Variants in CD1A observed in about 807,000 individuals in gnomAD.
The protein encoded by CD1A is T-cell surface glycoprotein CD1a.
In CD1A, 50 loss-of-function variants were observed where a neutral mutation model predicts 38.3. The ratio of observed to expected loss-of-function variants is 1.30; its 90% CI spans 1.04 to 1.65. The LOEUF is 1.65. Among genes scored for constraint, CD1A ranks in the 40% most tolerant of loss-of-function variants. The pLI is 0.00. For synonymous variants in CD1A, 160 were observed against 150.8 expected (o/e 1.06, Z -0.45); for missense variants, 459 against 406.1 (o/e 1.13, Z -1.12).
chr1:158,256,993 G>A lies in CD1A; in HGVS notation c.812G>A (p.Gly271Glu). ...CGCGCAACCCTGGAGGTGGCCGCTG[G>A]GGAGGCAGCTGACCTGTCCTGTCGG... ...YLRATLEVAA[G>E]EAADLSCRVK... The change falls in exon 4 of 6, where the codon GGG becomes GAG. Residue 271 changes from glycine to glutamate, a missense_variant. Coordinates refer to ENST00000289429, the MANE Select transcript of CD1A (RefSeq NM_001763.3). 2 of 1,614,172 alleles carry A rather than the reference G, an allele frequency of 1.2e-6. No homozygotes were observed. The highest frequency in any genetic ancestry group is 1.7e-6 in the Non-Finnish European group (2 of 1,180,038).
At chr1:158,256,551 T>C (rs1300031968) in intron 3 of CD1A, among the ~76,000 whole-genome samples, 1 of 152,058 alleles carries the variant, frequency 6.6e-6, no homozygotes, top group East Asian at 1.9e-4. Context: ...ACACCTGTAG[T>C]CCCAGTTACT....
upstream of CD1A, among the ~76,000 whole-genome samples, chr1:158,252,072 G>A (rs150059817): frequency 8.8e-3 from 1,336 of 151,422 alleles, 5 homozygotes; most frequent in African/African-American, 0.014. Flanking sequence ...CTTGTGATCC[G>A]CCCACGTTGG....
chr1:158,251,738 A>G (rs1353276899), upstream of CD1A, among the ~76,000 whole-genome samples: 1 of 152,078 alleles, frequency 6.6e-6, no homozygotes, highest in Non-Finnish European at 1.5e-5. Context: ...GACCTCTAAT[A>G]GTCTGGAACC....
Position 158,257,067 on chromosome 1 carries a change from G to A in CD1A, c.883+3G>A. 1 of 1,596,290 alleles carries A rather than the reference G, an allele frequency of 6.3e-7. No homozygotes were observed. The highest frequency in any genetic ancestry group is 8.6e-7 in the Non-Finnish European group (1 of 1,168,690). On this transcript the variant is annotated splice_donor_region_variant and intron_variant, in intron 4 of 5. Coordinates refer to ENST00000289429, the MANE Select transcript of CD1A (RefSeq NM_001763.3). ...CCAGGACATCGTCCTCTACTGGGGT[G>A]AGAAAAAGCTAAGGCCCAGGCTGGA...
intron 4 of CD1A, 70 bp from the exon 5 acceptor site, chr1:158,257,351 G>A: frequency 1.7e-6 from 2 of 1,183,256 alleles, no homozygotes; most frequent in Non-Finnish European, 2.5e-6. Context: ...AGGGAATGCA[G>A]TGAAATAGGG....
rs1185779412 is a variant in CD1A, at chr1:158,254,483, G to A, written c.-187G>A. On this transcript the variant is annotated 5_prime_UTR_variant, in exon 1 of 6. Coordinates refer to ENST00000289429, the MANE Select transcript of CD1A (RefSeq NM_001763.3). ...ACAGAGAGGAGAGTCAGAACCAGAGGGAAATGAGAGACTGAGTAGGCATCT... is the reference window on the plus strand; with the variant it reads ...ACAGAGAGGAGAGTCAGAACCAGAGAGAAATGAGAGACTGAGTAGGCATCT... The A allele has an allele frequency of 2.1e-6, 3 of 1,426,938 alleles. No homozygotes were observed. Among genetic ancestry groups the A allele is most frequent in the Non-Finnish European group, 2.7e-6 (3 of 1,091,186 alleles). 88.4% of individuals were successfully genotyped at this position (1,426,938 alleles called of 1,614,324 possible). A position where few individuals can be genotyped will look rare whatever the true frequency, so the allele number is the denominator to read the frequency against.
In CD1A at chr1:158,255,368, C is replaced by T. The variant is rs757196117; in HGVS notation, c.325+18C>T. On this transcript the variant is annotated intron_variant, in intron 2 of 5. Coordinates refer to ENST00000289429, the MANE Select transcript of CD1A (RefSeq NM_001763.3). The stretch of plus-strand genomic sequence containing the variant: ...GTTTGAATGTGAGTTCAGTTTTCTC[C>T]ATGGAGAGTGGTGAGGTGGGAGAGA... The T allele has an allele frequency of 6.2e-7, 1 of 1,611,354 alleles. No individual in the cohort carries two copies. The highest frequency in any genetic ancestry group is 8.5e-7 in the Non-Finnish European group (1 of 1,177,844).
At chr1:158,257,570 GT>G in intron 5 of CD1A, 59 bp downstream of exon 5, 1 of 1,576,668 alleles carries the variant, frequency 6.3e-7, no homozygotes, top group Non-Finnish European at 8.7e-7. Flanking sequence ...TTCTTCCCAT[GT>G]TTTTTGTTTT....
rs548280871 is a variant in CD1A, at chr1:158,257,460, T to C, written c.923T>C (p.Ile308Thr). 1.2e-6 allele frequency: 2 copies of C among 1,614,162 alleles called. No individual in the cohort carries two copies. The highest frequency in any genetic ancestry group is 2.2e-5 in the South Asian group (2 of 91,084). ...GTGGGCTTCATCATCTTGGCGGTGA[T>C]AGTGCCTTTACTTCTTCTGATAGGT... Reference protein sequence around the residue: ...SSVGFIILAVIVPLLLLIGLA... With the variant: ...SSVGFIILAVTVPLLLLIGLA... Residue 308 changes from isoleucine to threonine, a missense_variant, in exon 5 of 6, where the codon ATA becomes ACA. By Grantham distance (89) the Ile-to-Thr change is moderately conservative (BLOSUM62 -1). Coordinates refer to ENST00000289429, the MANE Select transcript of CD1A (RefSeq NM_001763.3).
intron 3 of CD1A, 110 bp from the exon 4 acceptor site, chr1:158,256,676 A>C (rs1571120362): frequency 7.4e-6 from 1 of 135,282 alleles, no homozygotes; most frequent in Non-Finnish European, 1.0e-5. Flanking sequence ...ACCCTGTCTC[A>C]AAAAAAAAAA....
In CD1A at chr1:158,255,072, C is replaced by T. The variant is rs531484228; in HGVS notation, c.59-12C>T. On this transcript the variant is annotated splice_polypyrimidine_tract_variant and intron_variant, in intron 1 of 5. Transcript: ENST00000289429. Reference sequence around the variant, plus strand: ...TGTCTTTCTCCCCATTCTATCTGTTCTTTTGTCGCAGGGCTCAAGGAGCCT... The same window carrying T: ...TGTCTTTCTCCCCATTCTATCTGTTTTTTTGTCGCAGGGCTCAAGGAGCCT... 1 of 1,612,542 alleles carries T rather than the reference C, an allele frequency of 6.2e-7. No individual in the cohort carries two copies. The highest frequency in any genetic ancestry group is 1.7e-5 in the Admixed American group (1 of 59,960).
At position 158,256,123 on chromosome 1, in the gene CD1A, T is replaced by G; in HGVS notation, c.445T>G (p.Leu149Val). 1 of 1,614,220 alleles carries G rather than the reference T, an allele frequency of 6.2e-7. No individual in the cohort carries two copies. The highest frequency in any genetic ancestry group is 8.5e-7 in the Non-Finnish European group (1 of 1,180,032). ...TGTGAGCTTCCAGAACAATTCATGG[T>G]TGCCATATCCAGTGGCTGGGAATAT... ...DFVSFQNNSW[L>V]PYPVAGNMAK... The change falls in exon 3 of 6, where the codon TTG becomes GTG. Residue 149 changes from leucine (L) to valine (V), a missense_variant. By Grantham distance (32) the Leu-to-Val change is conservative. Coordinates refer to ENST00000289429, the MANE Select transcript of CD1A (RefSeq NM_001763.3).
intron 2 of CD1A, 37 bp downstream of exon 2, chr1:158,255,387 GGA>G (rs1650224266): frequency 1.9e-6 from 3 of 1,598,256 alleles, no homozygotes; most frequent in Non-Finnish European, 2.6e-6. Flanking sequence ...TGGTGAGGTG[GGA>G]GAGAGGGGTT....
upstream of CD1A, among the ~76,000 whole-genome samples, chr1:158,250,288 G>C (rs1047147632): frequency 6.6e-6 from 1 of 152,178 alleles, no homozygotes; most frequent in Non-Finnish European, 1.5e-5. Context: ...GAGGTGAAGT[G>C]ATGGGAGCCA....
At chr1:158,252,044 T>G (rs1023748791), upstream of CD1A, among the ~76,000 whole-genome samples, 1 of 151,978 alleles carries the variant, frequency 6.6e-6, no homozygotes, top group African/African-American at 2.4e-5. Context: ...TTGGCCAGGT[T>G]GGTCTCGAAC....
chr1:158,254,501 A>T lies in CD1A; in HGVS notation c.-169A>T. 6.9e-6 allele frequency: 10 copies of T among 1,454,602 alleles called. No homozygotes were observed. Among genetic ancestry groups the T allele is most frequent in the Non-Finnish European group, 9.1e-6 (10 of 1,103,596 alleles). The allele number at this position is 1,454,602 out of a possible 1,614,324, so 90.1% of individuals were successfully genotyped here. On this transcript the variant is annotated 5_prime_UTR_variant, in exon 1 of 6. Coordinates refer to ENST00000289429, the MANE Select transcript of CD1A (RefSeq NM_001763.3). The stretch of plus-strand genomic sequence containing the variant: ...ACCAGAGGGAAATGAGAGACTGAGT[A>T]GGCATCTCAGGGTTTTTGAAGGAGT...
At chr1:158,252,784 G>T (rs774470062), upstream of CD1A, among the ~76,000 whole-genome samples, 4 of 152,106 alleles carry the variant, frequency 2.6e-5, no homozygotes, top group Non-Finnish European at 5.9e-5. Flanking sequence ...TGTAATCCCA[G>T]TTACTTGCAA....
chr1:158,257,691 G>GAC lies in CD1A; in HGVS notation c.*6_*7dup. 6.2e-7 allele frequency: 1 copy of GAC among 1,613,880 alleles called. No homozygotes were observed. On this transcript the variant is annotated 3_prime_UTR_variant, in exon 6 of 6. Coordinates refer to ENST00000289429, the MANE Select transcript of CD1A (RefSeq NM_001763.3). ...TCTGTTCTCATCCAGTTTCTGTTAA[G>GAC]ACACACCATGAGCCTCCTCGTCACC...
At position 158,254,693 on chromosome 1, in the gene CD1A, G is replaced by T. The variant is rs1355817362; in HGVS notation, c.24G>T (p.Leu8Phe). 2 of 1,613,800 alleles carry T rather than the reference G, an allele frequency of 1.2e-6. No homozygotes were observed. Among genetic ancestry groups the T allele is most frequent in the Non-Finnish European group, 1.7e-6 (2 of 1,179,966 alleles). ...ATATGCTGTTTTTGCTACTTCCATT[G>T]TTAGCTGTTCTCCCAGGTGATGGCA... MLFLLLP[L>F]LAVLPGDGNA... Residue 8 changes from leucine (L) to phenylalanine (F), a missense_variant, in exon 1 of 6, where the codon TTG (leucine) becomes TTT (phenylalanine). By Grantham distance (22) the Leu-to-Phe change is conservative. Coordinates refer to ENST00000289429, the MANE Select transcript of CD1A (RefSeq NM_001763.3).
Sources: allele counts gnomAD v4.1 joint callset (sites outside exome capture counted in the v4.1 genomes callset), GRCh38; gene constraint gnomAD v4.1.1; transcripts MANE v1.5; gene names NCBI Gene and HGNC (gene_info 2026-07-23, HGNC 2026-07-21).